The following SLX4IP variants were observed in gnomAD, a reference collection of about 807,000 sequenced individuals.
The protein encoded by SLX4IP is protein SLX4IP.
SLX4IP carries 34 observed loss-of-function variants against 32.9 expected under a neutral mutation model. The ratio of observed to expected loss-of-function variants is 1.03; its 90% CI spans 0.79 to 1.38. The LOEUF is 1.38. Among genes scored for constraint, SLX4IP ranks in the 40% most tolerant of loss-of-function variants. SLX4IP has a pLI of 0.00. For synonymous variants in SLX4IP, 172 were observed against 171.7 expected, an observed-to-expected ratio of 1.00 and a Z score of -0.01; for missense variants, 444 against 479.0, an observed-to-expected ratio of 0.93 and a Z score of 0.68.
intron 1 of SLX4IP, among the ~76,000 whole-genome samples, chr20:10,454,100 C>T (rs1387821903): frequency 6.6e-6 from 1 of 152,072 alleles, no homozygotes; most frequent in East Asian, 1.9e-4. Flanking sequence ...TTGTTTCAGC[C>T]AAATAGGTTT....
At chr20:10,444,765 A>G (rs968716324) in intron 1 of SLX4IP, among the ~76,000 whole-genome samples, 1 of 152,080 alleles carries the variant, frequency 6.6e-6, no homozygotes. Context: ...AGCCTTTTTT[A>G]AAATAAGGGC....
At chr20:10,486,931 T>A (rs1458107898) in intron 2 of SLX4IP, among the ~76,000 whole-genome samples, 1 of 151,992 alleles carries the variant, frequency 6.6e-6, no homozygotes, top group Non-Finnish European at 1.5e-5. Flanking sequence ...CTCTGTTTTT[T>A]TTTTTGAATA....
chr20:10,482,916 A>G (rs1199547611), intron 2 of SLX4IP, among the ~76,000 whole-genome samples: 1 of 152,032 alleles, frequency 6.6e-6, no homozygotes. Context: ...TTTAGTGTGC[A>G]TTTTTCCCGA....
At chr20:10,477,504 T>C (rs2065485778) in intron 2 of SLX4IP, among the ~76,000 whole-genome samples, 1 of 152,132 alleles carries the variant, frequency 6.6e-6, no homozygotes, top group African/African-American at 2.4e-5. Flanking sequence ...TGACCTCAGG[T>C]GATCCGCTTG....
At chr20:10,589,952 T>G (rs1351615979) in intron 4 of SLX4IP, among the ~76,000 whole-genome samples, 1 of 152,166 alleles carries the variant, frequency 6.6e-6, no homozygotes, top group Non-Finnish European at 1.5e-5. Context: ...TTTTTTACTT[T>G]GAATTTTTTT....
chr20:10,496,127 C>T (rs1456568898), intron 2 of SLX4IP, among the ~76,000 whole-genome samples: 2 of 151,716 alleles, frequency 1.3e-5, no homozygotes, highest in African/African-American at 2.4e-5. Context: ...TTTTGCTTGC[C>T]ATTCTTTTTC....
At chr20:10,600,984 G>A (rs1374268565) in intron 5 of SLX4IP, among the ~76,000 whole-genome samples, 6 of 152,152 alleles carry the variant, frequency 3.9e-5, no homozygotes, top group African/African-American at 1.4e-4. Flanking sequence ...TGGATGGACA[G>A]ACAGATGAGA....
chr20:10,622,657 A>T lies in SLX4IP; in HGVS notation c.507-2A>T. 1 of 1,599,740 alleles carries T rather than the reference A, an allele frequency of 6.3e-7. No homozygotes were observed. ...CCATAAAATCATTTTTGTTTGTTTC[A>T]GTGTGAAAAGAACTGAAACAAAAAG... On this transcript the variant is annotated splice_acceptor_variant, in intron 7 of 7. Coordinates refer to ENST00000334534, the MANE Select transcript of SLX4IP (RefSeq NM_001009608.3). LOFTEE classifies it high-confidence loss of function.
chr20:10,569,339 C>T (rs2066434387), intron 4 of SLX4IP, among the ~76,000 whole-genome samples: 1 of 152,104 alleles, frequency 6.6e-6, no homozygotes, highest in African/African-American at 2.4e-5. Flanking sequence ...GTGCGTGCCA[C>T]CACACCCAGC....
chr20:10,447,866 A>ATTTTT (rs35397723), intron 1 of SLX4IP, among the ~76,000 whole-genome samples: 1 of 119,544 alleles, frequency 8.4e-6, no homozygotes, highest in African/African-American at 3.2e-5. Context: ...CACCTGGCTG[A>ATTTTT]TTTTTTTTTT....
intron 2 of SLX4IP, among the ~76,000 whole-genome samples, chr20:10,554,715 TTTC>T: frequency 6.6e-6 from 1 of 152,330 alleles, no homozygotes; most frequent in Non-Finnish European, 1.5e-5. Flanking sequence ...CTTTTTTCAT[TTTC>T]TTATTAGCCA....
intron 6 of SLX4IP, among the ~76,000 whole-genome samples, chr20:10,617,909 G>A (rs2067057447): frequency 6.6e-6 from 1 of 151,970 alleles, no homozygotes. Flanking sequence ...CCAAAGTGCT[G>A]GGATTACAAG....
Position 10,622,947 on chromosome 20 carries a change from A to G in SLX4IP, c.795A>G (p.Thr265=). 3 of 1,614,186 alleles carry G rather than the reference A, an allele frequency of 1.9e-6. No homozygotes were observed. The highest frequency in any genetic ancestry group is 2.5e-6 in the Non-Finnish European group (3 of 1,180,034). The part of the protein sequence containing the change: ...QKPHPGERLK[T]GLLSRSPVCS... ...CTCATCCTGGGGAGCGGTTAAAGAC[A>G]GGGCTTCTAAGCAGGAGCCCCGTCT... Residue 265 remains threonine, a synonymous_variant, in exon 8 of 8, where the codon ACA becomes ACG. Coordinates refer to ENST00000334534, the MANE Select transcript of SLX4IP (RefSeq NM_001009608.3).
At chr20:10,585,313 T>G (rs2066633373) in intron 4 of SLX4IP, among the ~76,000 whole-genome samples, 2 of 152,216 alleles carry the variant, frequency 1.3e-5, no homozygotes, top group South Asian at 4.1e-4. Context: ...TTCAACTCTC[T>G]TTTCCAAGAC....
chr20:10,528,267 A>T, intron 2 of SLX4IP, among the ~76,000 whole-genome samples: 1 of 152,238 alleles, frequency 6.6e-6, no homozygotes, highest in Admixed American at 6.5e-5. Context: ...GCATCAAAGC[A>T]ATAGGAAAAA....
In SLX4IP at chr20:10,625,326, T is replaced by C. The variant is rs1041269179; in HGVS notation, c.*1947T>C. On this transcript the variant is annotated 3_prime_UTR_variant, in exon 8 of 8. Transcript: ENST00000334534. ...CACAAGTAATAAGTAACCCAGGGGA[T>C]AGACCAAGAAGCAGCTCTCTGGAAG... 3.3e-5 allele frequency: 5 copies of C among 152,220 alleles called. No individual in the cohort carries two copies. The highest frequency in any genetic ancestry group is 7.2e-5 in the African/African-American group (3 of 41,454). The allele number at this position is 152,220 out of a possible 1,614,324, so 9.4% of individuals were successfully genotyped here. A position where few individuals can be genotyped will look rare whatever the true frequency, so the allele number is the denominator to read the frequency against.
In SLX4IP at chr20:10,601,785, G is replaced by A. The variant is rs370547119; in HGVS notation, c.371G>A (p.Ser124Asn). 2 of 1,613,978 alleles carry A rather than the reference G, an allele frequency of 1.2e-6. No individual in the cohort carries two copies. The highest frequency in any genetic ancestry group is 1.7e-6 in the Non-Finnish European group (2 of 1,179,922). The change falls in exon 6 of 8, where the codon AGT becomes AAT. Residue 124 changes from serine to asparagine, a missense_variant. Physicochemically the swap from Ser to Asn is conservative, Grantham distance 46. Coordinates refer to ENST00000334534, the MANE Select transcript of SLX4IP (RefSeq NM_001009608.3). ...FVVCVSQLAF[S>N]RDLLASQNED... ...GTTTGTGTCAGTCAGCTTGCATTCA[G>A]TCGTGATCTTTTAGCAAGTCAGAAT...
intron 2 of SLX4IP, among the ~76,000 whole-genome samples, chr20:10,542,599 G>T (rs2066118996): frequency 6.6e-6 from 1 of 152,134 alleles, no homozygotes; most frequent in Non-Finnish European, 1.5e-5. Context: ...GCCTCATCCT[G>T]TCACTTTTCC....
chr20:10,503,023 G>C (rs1476520811), intron 2 of SLX4IP, among the ~76,000 whole-genome samples: 1 of 152,148 alleles, frequency 6.6e-6, no homozygotes, highest in African/African-American at 2.4e-5. Flanking sequence ...GTGACTGTGA[G>C]TCTGGTTCCT....
Sources: gnomAD v4.1 joint callset for allele counts (sites outside exome capture counted in the v4.1 genomes callset) on GRCh38, gnomAD v4.1.1 for gene constraint, MANE v1.5 for transcripts, NCBI Gene and HGNC (gene_info 2026-07-23, HGNC 2026-07-21) for gene names.